Variants in DLGAP2 observed in about 807,000 individuals in gnomAD.
DLGAP2 encodes DLG associated protein 2, also known as disks large-associated protein 2.
DLGAP2 carries 26 observed loss-of-function variants against 100.3 expected under a neutral mutation model. The ratio of observed to expected loss-of-function variants is 0.26; its 90% confidence interval spans 0.19 to 0.36. The LOEUF is 0.36. DLGAP2 is among the 10% of genes least tolerant of loss of function. DLGAP2 has a pLI of 1.00. For synonymous variants in DLGAP2, 886 were observed against 630.1 expected (o/e 1.41, Z -6.08); for missense variants, 1,858 against 1,453.2 (o/e 1.28, Z -4.53).
chr8:1,625,958 C>T (rs1797480552), intron 6 of DLGAP2, among the ~76,000 whole-genome samples: 1 of 151,964 alleles, frequency 6.6e-6, no homozygotes, highest in African/African-American at 2.4e-5. Context: ...GTTCCCATCT[C>T]TGGCCTGTGG....
chr8:760,473 C>T (rs1401904198), intron 1 of DLGAP2, among the ~76,000 whole-genome samples: 1 of 152,192 alleles, frequency 6.6e-6, no homozygotes, highest in African/African-American at 2.4e-5. Flanking sequence ...TCTCATCTTG[C>T]CTGTCCAAAA....
intron 4 of DLGAP2, among the ~76,000 whole-genome samples, chr8:1,514,034 A>G (rs767534253): frequency 6.6e-6 from 1 of 152,172 alleles, no homozygotes; most frequent in Non-Finnish European, 1.5e-5. Context: ...TGGGGCACAG[A>G]TTTGCTTTAA....
intron 3 of DLGAP2, among the ~76,000 whole-genome samples, chr8:1,371,972 T>G (rs1802248569): frequency 6.6e-6 from 1 of 152,216 alleles, no homozygotes; most frequent in Non-Finnish European, 1.5e-5. Context: ...AAGAGTTTCT[T>G]ATGAACATAG....
At chr8:1,162,593 G>A (rs747383517) in intron 2 of DLGAP2, among the ~76,000 whole-genome samples, 5 of 152,236 alleles carry the variant, frequency 3.3e-5, no homozygotes, top group Non-Finnish European at 7.3e-5. Context: ...AATAAATGAT[G>A]TGCAATGTGA....
At chr8:1,033,342 G>A (rs1478733052) in intron 2 of DLGAP2, among the ~76,000 whole-genome samples, 2 of 152,192 alleles carry the variant, frequency 1.3e-5, no homozygotes, top group African/African-American at 2.4e-5. Flanking sequence ...CTCAAGAAGG[G>A]AGAAAAATGG....
At position 967,840 on chromosome 8, in the gene DLGAP2, A is replaced by T. The variant is rs1285729753; in HGVS notation, c.73+59874A>T. ...ACTATATATATATATATATATATAT[A>T]TATATATATATATATATATATATAT... is the stretch of plus-strand genomic sequence containing the variant. On this transcript the variant is annotated intron_variant, in intron 2 of 14. Transcript: ENST00000637795. 1.1e-3 allele frequency among the ~76,000 whole-genome samples: 53 copies of T among 47,706 alleles called. 2 individuals carry two copies. The highest frequency in any genetic ancestry group is 2.5e-3 in the East Asian group (2 of 802). The allele number at this position is 47,706 out of a possible 152,430, so 31.3% of individuals were successfully genotyped here. A position where few individuals can be genotyped will look rare whatever the true frequency, so the allele number is the denominator to read the frequency against.
At chr8:1,670,585 G>A (rs1231648979) in intron 10 of DLGAP2, among the ~76,000 whole-genome samples, 1 of 152,230 alleles carries the variant, frequency 6.6e-6, no homozygotes, top group Non-Finnish European at 1.5e-5. Context: ...AGTAAATGTT[G>A]GGTAAGCGAG....
intron 6 of DLGAP2, among the ~76,000 whole-genome samples, chr8:1,585,349 A>G (rs1796083745): frequency 7.5e-6 from 1 of 133,466 alleles, no homozygotes; most frequent in South Asian, 2.4e-4. Context: ...CTGTAATCCC[A>G]GGTACCCAGG....
intron 1 of DLGAP2, among the ~76,000 whole-genome samples, chr8:815,202 C>T (rs1418382335): frequency 6.6e-6 from 1 of 152,180 alleles, no homozygotes; most frequent in Non-Finnish European, 1.5e-5. Flanking sequence ...AGTCCAAAGT[C>T]AAAGTACAGG....
At chr8:1,670,644 AC>A (rs1406803636) in intron 10 of DLGAP2, among the ~76,000 whole-genome samples, 1 of 152,180 alleles carries the variant, frequency 6.6e-6, no homozygotes, top group African/African-American at 2.4e-5. Flanking sequence ...GGATGCAAAG[AC>A]AGGAATGTAG....
intron 2 of DLGAP2, chr8:926,950 G>A (rs1483747571): frequency 3.5e-6 from 3 of 864,238 alleles, no homozygotes; most frequent in Non-Finnish European, 4.2e-6. Flanking sequence ...TCTGCGCTGT[G>A]GGGGTGGGGA....
At chr8:1,350,953 T>C (rs62487407) in intron 3 of DLGAP2, among the ~76,000 whole-genome samples, 147 of 54,914 alleles carry the variant, frequency 2.7e-3, no homozygotes, top group Middle Eastern at 0.015. Context: ...CCTGAGTGTG[T>C]GTGGAAAGGC....
intron 1 of DLGAP2, among the ~76,000 whole-genome samples, chr8:746,415 T>C (rs1412695037): frequency 1.3e-5 from 2 of 152,158 alleles, no homozygotes; most frequent in African/African-American, 2.4e-5. Flanking sequence ...AGATGGCGCA[T>C]TGGATCCCGT....
chr8:1,010,563 T>C (rs1801252050), intron 2 of DLGAP2, among the ~76,000 whole-genome samples: 1 of 152,210 alleles, frequency 6.6e-6, no homozygotes, highest in Non-Finnish European at 1.5e-5. Flanking sequence ...GTAGAGCCAT[T>C]TTACTGGTAA....
At chr8:1,095,167 A>G (rs533504509) in intron 2 of DLGAP2, among the ~76,000 whole-genome samples, 1 of 152,038 alleles carries the variant, frequency 6.6e-6, no homozygotes, top group Non-Finnish European at 1.5e-5. Context: ...TTCAGGAGGG[A>G]GATGAAGATG....
chr8:799,349 C>A (rs569961695), intron 1 of DLGAP2, among the ~76,000 whole-genome samples: 1 of 151,972 alleles, frequency 6.6e-6, no homozygotes, highest in East Asian at 1.9e-4. Context: ...GGGAGTGTGG[C>A]GGGAGGGGGT....
chr8:1,187,390 T>C (rs1797529159), intron 2 of DLGAP2, among the ~76,000 whole-genome samples: 3 of 139,538 alleles, frequency 2.1e-5, no homozygotes, highest in Non-Finnish European at 3.0e-5. Flanking sequence ...CTCCGTGACG[T>C]TTCCCTCACG....
intron 2 of DLGAP2, among the ~76,000 whole-genome samples, chr8:917,798 C>G (rs974728440): frequency 6.6e-6 from 1 of 152,112 alleles, no homozygotes; most frequent in Admixed American, 6.5e-5. Flanking sequence ...CCAGGATGGT[C>G]TCAATCTCCT....
chr8:1,442,503 C>G (rs373451162), intron 3 of DLGAP2, among the ~76,000 whole-genome samples: 3 of 144,298 alleles, frequency 2.1e-5, no homozygotes, highest in South Asian at 2.2e-4. Context: ...GAGACGGATC[C>G]GGGCATAGAC....
Sources: gnomAD v4.1 joint callset for allele counts (sites outside exome capture counted in the v4.1 genomes callset) on GRCh38, gnomAD v4.1.1 for gene constraint, MANE v1.5 for transcripts, NCBI Gene and HGNC (gene_info 2026-07-23, HGNC 2026-07-21) for gene names.